The following SNIP1 variants were observed in gnomAD, a reference collection of about 807,000 sequenced individuals.
The protein encoded by SNIP1 is smad nuclear-interacting protein 1.
In SNIP1, 23 loss-of-function variants were observed where a neutral mutation model predicts 37.4. The observed-to-expected ratio is 0.61, with a 90% CI of 0.44 to 0.87. SNIP1 has a LOEUF of 0.87. SNIP1 is among the 40% of genes least tolerant of loss of function. The pLI is 0.00. For missense variants in SNIP1, 459 were observed against 540.4 expected (o/e 0.85, Z 1.49); for synonymous variants, 174 against 200.0 (o/e 0.87, Z 1.10).
chr1:37,549,428 C>T (rs1227077221), intron 2 of SNIP1, among the ~76,000 whole-genome samples: 1 of 152,086 alleles, frequency 6.6e-6, no homozygotes, highest in Non-Finnish European at 1.5e-5. Context: ...ACTTTTCTTT[C>T]AGATCTCACT....
intron 1 of SNIP1, among the ~76,000 whole-genome samples, chr1:37,553,162 T>G (rs913270153): frequency 2.0e-5 from 3 of 152,188 alleles, no homozygotes; most frequent in African/African-American, 7.2e-5. Flanking sequence ...CCACCCACCT[T>G]CTTGACCACT....
intron 2 of SNIP1, chr1:37,544,980 G>A (rs956495386): frequency 5.2e-6 from 4 of 775,550 alleles, no homozygotes; most frequent in Admixed American, 3.4e-5. Flanking sequence ...AACCAATGAG[G>A]TGGCTGAATC....
In SNIP1 at chr1:37,537,997, G is replaced by A; in HGVS notation, c.942C>T (p.Thr314=). Residue 314 remains threonine (T), a synonymous_variant, in exon 4 of 4, where the codon ACC becomes ACT. Coordinates refer to ENST00000296215, the MANE Select transcript of SNIP1 (RefSeq NM_024700.4). ...TTCGGCCAACTGTGCCATCAGCACGGGTATATTCCACAAGCCTAGCAGAAA... is the reference window on the plus strand; with the variant it reads ...TTCGGCCAACTGTGCCATCAGCACGAGTATATTCCACAAGCCTAGCAGAAA... ...AVFQYRLVEY[T]RADGTVGRRV... 2.5e-6 allele frequency: 4 copies of A among 1,605,218 alleles called. No homozygotes were observed. Among genetic ancestry groups the A allele is most frequent in the Non-Finnish European group, 3.4e-6 (4 of 1,176,084 alleles).
intron 2 of SNIP1, among the ~76,000 whole-genome samples, chr1:37,543,620 A>C (rs1329489098): frequency 6.6e-6 from 1 of 152,142 alleles, no homozygotes; most frequent in African/African-American, 2.4e-5. Context: ...CAGATGAGCT[A>C]CTTGGAGAGA....
chr1:37,550,577 C>T (rs916056413), intron 2 of SNIP1, among the ~76,000 whole-genome samples: 6 of 151,758 alleles, frequency 4.0e-5, no homozygotes, highest in African/African-American at 1.5e-4. Flanking sequence ...CATGGTGGCA[C>T]GAGCCTGTAA....
Position 37,537,786 on chromosome 1 carries a change from CGTCATCTTT to C in SNIP1, c.1144_1152del (p.Lys382_Asp384del), listed in dbSNP as rs1557623826. On this transcript the variant is annotated inframe_deletion, in exon 4 of 4. Coordinates refer to ENST00000296215, the MANE Select transcript of SNIP1 (RefSeq NM_024700.4). ...ACTTCTTCCTCCTCCTCCTCATCCT[CGTCATCTTT>C]CCTGTCTATTTCAGAAGTGTCCGAC... is the stretch of plus-strand genomic sequence containing the variant. 3 of 1,614,158 alleles carry C rather than the reference CGTCATCTTT, an allele frequency of 1.9e-6. No homozygotes were observed. Among genetic ancestry groups the C allele is most frequent in the Non-Finnish European group, 2.5e-6 (3 of 1,179,998 alleles).
At chr1:37,546,640 C>T (rs1458816420) in intron 2 of SNIP1, among the ~76,000 whole-genome samples, 1 of 152,048 alleles carries the variant, frequency 6.6e-6, no homozygotes, top group Non-Finnish European at 1.5e-5. Context: ...CACCACTGCA[C>T]TCCAGCCTGG....
intron 2 of SNIP1, among the ~76,000 whole-genome samples, chr1:37,545,840 T>C (rs948722306): frequency 6.6e-6 from 1 of 151,970 alleles, no homozygotes; most frequent in African/African-American, 2.4e-5. Flanking sequence ...ACTAAAAATT[T>C]AGGTGACTCC....
rs1349212885 is a variant in SNIP1, at chr1:37,537,728, T to C, written c.*20A>G. 3 of 1,605,010 alleles carry C rather than the reference T, an allele frequency of 1.9e-6. No homozygotes were observed. Among genetic ancestry groups the C allele is most frequent in the East Asian group, 2.2e-5 (1 of 44,846 alleles). On this transcript the variant is annotated 3_prime_UTR_variant, in exon 4 of 4. Transcript: ENST00000296215. ...TTCCAAGAAGGAAACCGTGTATCAATAGTTTGGGTTCTTAGTTTGCTAGCT... is the reference window on the plus strand; with the variant it reads ...TTCCAAGAAGGAAACCGTGTATCAACAGTTTGGGTTCTTAGTTTGCTAGCT...
Position 37,537,203 on chromosome 1 carries a change from AAAATAAGTGC to A in SNIP1, c.*535_*544del, listed in dbSNP as rs889851595. ...CTGCAGTACATTCCCACCCCCCAAA[AAAATAAGTGC>A]AAAATCAACTTCTAAGCTCAAGAGC... On this transcript the variant is annotated 3_prime_UTR_variant, in exon 4 of 4. Transcript: ENST00000296215. 6.5e-6 allele frequency: 1 copy of A among 153,312 alleles called. No individual in the cohort carries two copies. The highest frequency in any genetic ancestry group is 2.4e-5 in the African/African-American group (1 of 41,440). 9.5% of individuals were successfully genotyped at this position (153,312 alleles called of 1,614,324 possible).
chr1:37,544,145 A>G (rs1297744654), intron 2 of SNIP1, among the ~76,000 whole-genome samples: 1 of 147,906 alleles, frequency 6.8e-6, no homozygotes. Flanking sequence ...CTCCGTCTCA[A>G]AAAAAAAAAA....
Position 37,540,757 on chromosome 1 carries a change from T to C in SNIP1, c.328-2A>G. The C allele has an allele frequency of 6.3e-7, 1 of 1,587,196 alleles. No homozygotes were observed. The highest frequency in any genetic ancestry group is 1.1e-5 in the South Asian group (1 of 89,510). On this transcript the variant is annotated splice_acceptor_variant, in intron 2 of 3. Transcript: ENST00000296215. LOFTEE classifies it high-confidence loss of function. The surrounding 1 kb of genome is among the most constrained non-coding windows in gnomAD (Gnocchi z 5.6). ...TCTCCGGGGATGATCCTCACGCTCC[T>C]AAAATTCAAACAGATTCTGTAATTT...
chr1:37,539,282 G>A (rs1643138820), intron 3 of SNIP1, among the ~76,000 whole-genome samples: 2 of 152,186 alleles, frequency 1.3e-5, no homozygotes, highest in African/African-American at 4.8e-5. Flanking sequence ...GTGCCAAAAA[G>A]GTTGGGGACC....
At chr1:37,548,482 A>AT (rs1359022675) in intron 2 of SNIP1, among the ~76,000 whole-genome samples, 3 of 151,588 alleles carry the variant, frequency 2.0e-5, no homozygotes, top group African/African-American at 7.3e-5. Flanking sequence ...CACCCAGCTA[A>AT]TTTTTGTATT....
chr1:37,552,842 C>G (rs562510752), intron 1 of SNIP1, 95 bp from the exon 2 acceptor site: 4 of 972,794 alleles, frequency 4.1e-6, no homozygotes, highest in East Asian at 2.4e-5. Flanking sequence ...ACACAAACAC[C>G]GCATTTGTGA....
rs762435074 is a variant in SNIP1, at chr1:37,537,992, G to C, written c.947C>G (p.Ala316Gly). 1.2e-6 allele frequency: 2 copies of C among 1,612,172 alleles called. No homozygotes were observed. Among genetic ancestry groups the C allele is most frequent in the East Asian group, 4.5e-5 (2 of 44,880 alleles). The change falls in exon 4 of 4, where the codon GCT (alanine) becomes GGT (glycine). Residue 316 changes from alanine (A) to glycine (G), a missense_variant. Transcript: ENST00000296215. Reference protein sequence around the residue: ...FQYRLVEYTRADGTVGRRVKP... With the variant: ...FQYRLVEYTRGDGTVGRRVKP... ...CACTCTTCGGCCAACTGTGCCATCA[G>C]CACGGGTATATTCCACAAGCCTAGC...
intron 2 of SNIP1, among the ~76,000 whole-genome samples, chr1:37,548,274 G>A (rs781532404): frequency 8.0e-5 from 12 of 149,606 alleles, no homozygotes; most frequent in Non-Finnish European, 3.0e-5. Context: ...CTAATACAAC[G>A]TAAATGCTAT....
chr1:37,553,908 C>G, intron 1 of SNIP1, 98 bp downstream of exon 1: 1 of 1,256,902 alleles, frequency 8.0e-7, no homozygotes, highest in South Asian at 1.3e-5. Flanking sequence ...GTCCGGGCTG[C>G]TGCGCCCACC....
rs1643072764 is a variant in SNIP1, at chr1:37,535,203, C to G, written c.*2545G>C. 2.4e-5 allele frequency: 2 copies of G among 82,494 alleles called. No homozygotes were observed. The highest frequency in any genetic ancestry group is 4.6e-5 in the Non-Finnish European group (2 of 43,560). 5.1% of individuals were successfully genotyped at this position (82,494 alleles called of 1,614,324 possible). A position where few individuals can be genotyped will look rare whatever the true frequency, so the allele number is the denominator to read the frequency against. On this transcript the variant is annotated 3_prime_UTR_variant, in exon 4 of 4. Transcript: ENST00000296215. ...TGGCCAATATGGTGAAACCCCATCT[C>G]TACTAAAAAAAAATAAAAAATAAAA...
Sources: gnomAD v4.1 joint callset for allele counts (sites outside exome capture counted in the v4.1 genomes callset) on GRCh38, gnomAD v4.1.1 for gene constraint, Gnocchi (gnomAD v3.1) non-coding constraint, MANE v1.5 for transcripts, NCBI Gene and HGNC (gene_info 2026-07-23, HGNC 2026-07-21) for gene names.